The following BEND6 variants were observed in gnomAD, a reference collection of about 807,000 sequenced individuals.
The protein encoded by BEND6 is BEN domain-containing protein 6.
A neutral mutation model predicts 31.8 loss-of-function variants in BEND6; 24 were observed. The observed-to-expected ratio is 0.75, with a 90% CI of 0.55 to 1.06. BEND6 has a LOEUF of 1.06. Among genes scored for constraint, BEND6 ranks in the 50% least tolerant of loss-of-function variants. BEND6 has a pLI of 0.00. For synonymous variants in BEND6, 109 were observed against 114.6 expected (o/e 0.95, Z 0.31); for missense variants, 294 against 327.4 (o/e 0.90, Z 0.79).
intron 1 of BEND6, among the ~76,000 whole-genome samples, chr6:56,965,153 A>C (rs1480078965): frequency 6.6e-6 from 1 of 152,220 alleles, no homozygotes; most frequent in Non-Finnish European, 1.5e-5. Flanking sequence ...ATAGGGAAAT[A>C]ACTTGATAAA....
rs1562563733 is a variant in BEND6 at position 57,026,694 on chromosome 6, T to A, written c.*622T>A. On this transcript the variant is annotated 3_prime_UTR_variant, in exon 7 of 7. Transcript: ENST00000370746. ...GTATAAAATGGGAATATGAAAAAAA[T>A]GACAACAGCAAGATGTTTTATTTTA... The A allele has an allele frequency of 6.6e-6, 1 of 152,158 alleles. No individual in the cohort carries two copies. The highest frequency in any genetic ancestry group is 1.5e-5 in the Non-Finnish European group (1 of 68,022). The allele number at this position is 152,158 out of a possible 1,614,324, so 9.4% of individuals were successfully genotyped here. A position where few individuals can be genotyped will look rare whatever the true frequency, so the allele number is the denominator to read the frequency against.
intron 2 of BEND6, among the ~76,000 whole-genome samples, chr6:56,985,361 G>T (rs1826220087): frequency 6.6e-6 from 1 of 152,118 alleles, no homozygotes; most frequent in Non-Finnish European, 1.5e-5. Flanking sequence ...AGTAAGAGCA[G>T]TTTAGGGGTG....
intron 2 of BEND6, among the ~76,000 whole-genome samples, chr6:56,984,105 T>C (rs1826167387): frequency 6.6e-6 from 1 of 151,886 alleles, no homozygotes; most frequent in Non-Finnish European, 1.5e-5. Flanking sequence ...CCTGTAGTCC[T>C]AGCTACTTGG....
intron 6 of BEND6, among the ~76,000 whole-genome samples, chr6:57,019,299 C>A (rs905672965): frequency 6.6e-6 from 1 of 152,156 alleles, no homozygotes; most frequent in Non-Finnish European, 1.5e-5. Flanking sequence ...CTTTTACTTA[C>A]CCCTCCTCTC....
intron 1 of BEND6, among the ~76,000 whole-genome samples, chr6:56,974,005 A>C (rs1409733845): frequency 6.6e-6 from 1 of 152,188 alleles, no homozygotes; most frequent in African/African-American, 2.4e-5. Context: ...TGCCCACCTC[A>C]GCCTCCCAAA....
At chr6:56,986,261 A>G (rs1363331093) in intron 2 of BEND6, among the ~76,000 whole-genome samples, 2 of 152,130 alleles carry the variant, frequency 1.3e-5, no homozygotes, top group East Asian at 3.8e-4. Flanking sequence ...ACATATACAT[A>G]TATCTGTACA....
At chr6:56,987,427 T>C (rs1227804926) in intron 2 of BEND6, among the ~76,000 whole-genome samples, 4 of 152,224 alleles carry the variant, frequency 2.6e-5, no homozygotes, top group African/African-American at 9.6e-5. Context: ...AATTTGGCCA[T>C]TTCCAATCTG....
intron 6 of BEND6, among the ~76,000 whole-genome samples, chr6:57,019,057 T>A (rs1011905534): frequency 1.3e-5 from 2 of 152,236 alleles, no homozygotes; most frequent in Non-Finnish European, 2.9e-5. Flanking sequence ...AACTATTGGC[T>A]GAAGTGTGCA....
At chr6:56,957,344 TAAAC>T (rs768962113) in intron 1 of BEND6, among the ~76,000 whole-genome samples, 30 of 152,358 alleles carry the variant, frequency 2.0e-4, no homozygotes, top group East Asian at 7.7e-4. Context: ...ATACTAATAA[TAAAC>T]AAACCAAATC....
chr6:57,018,472 T>G lies in BEND6; in HGVS notation c.764T>G (p.Met255Arg). ...ACGGATGATGTTTCAATTAGGAGAA[T>G]GATAGGGCAAAAGCTAAACAACTGT... ...PNTDDVSIRR[M>R]IGQKLNNCTK... Residue 255 changes from methionine to arginine, a missense_variant, in exon 6 of 7, where the codon ATG (methionine) becomes AGG (arginine). By Grantham distance (91) the Met-to-Arg change is moderately conservative (BLOSUM62 -1). Coordinates refer to ENST00000370746, the MANE Select transcript of BEND6 (RefSeq NM_152731.3). 1 of 1,592,894 alleles carries G rather than the reference T, an allele frequency of 6.3e-7. No homozygotes were observed. The highest frequency in any genetic ancestry group is 1.2e-5 in the South Asian group (1 of 86,066).
intron 1 of BEND6, among the ~76,000 whole-genome samples, chr6:56,958,191 T>C (rs374607487): frequency 6.6e-6 from 1 of 152,226 alleles, no homozygotes; most frequent in East Asian, 1.9e-4. Flanking sequence ...AAGGGAATTT[T>C]ATACATCACT....
intron 1 of BEND6, among the ~76,000 whole-genome samples, chr6:56,974,779 A>G (rs1825815087): frequency 6.6e-6 from 1 of 152,192 alleles, no homozygotes; most frequent in Non-Finnish European, 1.5e-5. Context: ...TGTTCAGGAA[A>G]CAGTTTACAT....
chr6:57,023,320 G>A (rs1190964213), intron 6 of BEND6, among the ~76,000 whole-genome samples: 2 of 152,160 alleles, frequency 1.3e-5, no homozygotes, highest in East Asian at 1.9e-4. Flanking sequence ...TGTGTGCATA[G>A]ACATTTTAAA....
At chr6:57,025,687 G>A (rs1593037304) in intron 6 of BEND6, among the ~76,000 whole-genome samples, 1 of 152,212 alleles carries the variant, frequency 6.6e-6, no homozygotes, top group Non-Finnish European at 1.5e-5. Context: ...TAGAAACTGA[G>A]TCAGGAAGAA....
intron 1 of BEND6, among the ~76,000 whole-genome samples, chr6:56,970,048 G>A (rs986949528): frequency 6.6e-6 from 1 of 152,060 alleles, no homozygotes; most frequent in Non-Finnish European, 1.5e-5. Flanking sequence ...CTGAGACAGT[G>A]CATTGCATGT....
At chr6:56,969,449 G>T (rs569672457) in intron 1 of BEND6, among the ~76,000 whole-genome samples, 1 of 152,218 alleles carries the variant, frequency 6.6e-6, no homozygotes, top group Non-Finnish European at 1.5e-5. Context: ...CTAGTTTCCC[G>T]CCACTTTTGA....
chr6:56,975,778 GA>G (rs1825850566), intron 1 of BEND6: 3 of 528,324 alleles, frequency 5.7e-6, no homozygotes, highest in Non-Finnish European at 1.1e-5. Context: ...TTTTAAACAG[GA>G]AGCTGGATGC....
chr6:56,989,973 C>G (rs977127548), intron 2 of BEND6, among the ~76,000 whole-genome samples: 2 of 152,086 alleles, frequency 1.3e-5, no homozygotes, highest in African/African-American at 4.8e-5. Context: ...CTTTCCTGCC[C>G]CAAGTTCAAA....
intron 3 of BEND6, among the ~76,000 whole-genome samples, chr6:56,993,047 T>TA (rs899448539): frequency 1.3e-5 from 2 of 151,558 alleles, no homozygotes; most frequent in Non-Finnish European, 2.9e-5. Context: ...CTTGGGAAAA[T>TA]AATAAAAATA....
Sources: allele counts gnomAD v4.1 joint callset (sites outside exome capture counted in the v4.1 genomes callset), GRCh38; gene constraint gnomAD v4.1.1; transcripts MANE v1.5; gene names NCBI Gene and HGNC (gene_info 2026-07-23, HGNC 2026-07-21).